CEMIP: variants seen among roughly 807,000 people sequenced by gnomAD.
CEMIP encodes cell migration inducing hyaluronidase 1.
Under a neutral mutation model 156.9 loss-of-function variants are expected in CEMIP, and 105 were observed. The observed-to-expected ratio is 0.67, with a 90% CI of 0.57 to 0.79. The LOEUF (loss-of-function observed/expected upper bound fraction) is 0.79, where lower values mean the gene tolerates loss of function less well. Among genes scored for constraint, CEMIP ranks in the 30% least tolerant of loss-of-function variants. The pLI is 0.00. For missense variants in CEMIP, 1,457 were observed against 1,769.4 expected, an observed-to-expected ratio of 0.82 and a Z score of 3.17; for synonymous variants, 676 against 668.4, an observed-to-expected ratio of 1.01 and a Z score of -0.17.
At position 80,880,852 on chromosome 15, in the gene CEMIP, A is replaced by G. The variant is rs748274137; in HGVS notation, c.381-48A>G. 2.0e-6 allele frequency: 3 copies of G among 1,493,516 alleles called. No individual in the cohort carries two copies. In the South Asian group the frequency reaches 3.4e-5, roughly 17 times the overall value. The allele number at this position is 1,493,516 out of a possible 1,614,324, so 92.5% of individuals were successfully genotyped here. On this transcript the variant is annotated intron_variant, in intron 5 of 29. Coordinates refer to ENST00000394685, the MANE Select transcript of CEMIP (RefSeq NM_001293298.2). ...TAGGTTCCCTCTGGGTTCAGTATCC[A>G]GTAAAGAGATGTGTCAGCCAACTCT... is the stretch of plus-strand genomic sequence containing the variant.
chr15:80,900,081 C>A (rs1403192041), intron 12 of CEMIP, among the ~76,000 whole-genome samples: 1 of 152,208 alleles, frequency 6.6e-6, no homozygotes, highest in Non-Finnish European at 1.5e-5. Context: ...GACCAGTCCC[C>A]ATCTGCACCC....
intron 1 of CEMIP, among the ~76,000 whole-genome samples, chr15:80,868,952 A>C (rs944011275): frequency 6.6e-6 from 1 of 152,224 alleles, no homozygotes; most frequent in Non-Finnish European, 1.5e-5. Context: ...TAGGGCTGCC[A>C]TAACAAAGTA....
chr15:80,893,557 C>T (rs933595868), intron 10 of CEMIP, among the ~76,000 whole-genome samples: 2 of 152,196 alleles, frequency 1.3e-5, no homozygotes, highest in African/African-American at 4.8e-5. Flanking sequence ...CAGGGGAAAA[C>T]TTCAGGAGGC....
intron 1 of CEMIP, among the ~76,000 whole-genome samples, chr15:80,860,866 T>A (rs1897967560): frequency 6.6e-6 from 1 of 151,996 alleles, no homozygotes; most frequent in East Asian, 1.9e-4. Context: ...CACACCCTTC[T>A]CTTTCTGTGT....
chr15:80,922,201 GA>G (rs1159099420), intron 17 of CEMIP, 64 bp downstream of exon 17: 22 of 1,602,558 alleles, frequency 1.4e-5, no homozygotes, highest in Non-Finnish European at 1.9e-5. Flanking sequence ...GCCTGCAGAT[GA>G]TTAGAGCCGG....
chr15:80,852,938 C>T (rs1228490262), intron 1 of CEMIP, among the ~76,000 whole-genome samples: 1 of 152,124 alleles, frequency 6.6e-6, no homozygotes, highest in Non-Finnish European at 1.5e-5. Flanking sequence ...GGCCCACACC[C>T]ACATGTACCA....
intron 21 of CEMIP, among the ~76,000 whole-genome samples, chr15:80,931,606 C>T (rs1003254400): frequency 6.6e-5 from 10 of 151,494 alleles, no homozygotes; most frequent in South Asian, 2.1e-4. Context: ...TCCATTCACC[C>T]GGCAGTCATT....
At chr15:80,944,577 G>A (rs1901466911) in intron 28 of CEMIP, among the ~76,000 whole-genome samples, 1 of 152,168 alleles carries the variant, frequency 6.6e-6, no homozygotes, top group South Asian at 2.1e-4. Flanking sequence ...CTGACTCCAT[G>A]AGGGGCACGA....
In CEMIP at chr15:80,921,052, T is replaced by C; in HGVS notation, c.2024T>C (p.Met675Thr). The C allele has an allele frequency of 1.2e-6, 2 of 1,614,176 alleles. No individual in the cohort carries two copies. Among genetic ancestry groups the C allele is most frequent in the Non-Finnish European group, 1.7e-6 (2 of 1,180,018 alleles). ...TGCAGTGCTGTGTCCACCTTCTGGA[T>C]GGCCAATCCCAACAACAACCTCATC... The part of the protein sequence containing the change: ...QDCNAVSTFW[M>T]ANPNNNLINC... Residue 675 changes from methionine (M) to threonine (T), a missense_variant, in exon 16 of 30, where the codon ATG becomes ACG. This residue lies in a region of CEMIP where 798 missense variants were observed against 980.1 expected (regional missense o/e 0.81). Transcript: ENST00000394685.
At chr15:80,941,103 A>G (rs1466275907) in intron 25 of CEMIP, among the ~76,000 whole-genome samples, 9 of 152,048 alleles carry the variant, frequency 5.9e-5, no homozygotes, top group Non-Finnish European at 2.9e-5. Context: ...TTTGGGGGCG[A>G]GGGCATTGTG....
intron 12 of CEMIP, among the ~76,000 whole-genome samples, chr15:80,901,133 T>C (rs1166760763): frequency 2.0e-5 from 3 of 152,136 alleles, no homozygotes; most frequent in Non-Finnish European, 4.4e-5. Context: ...ACCTCCCCAC[T>C]TTGCCCATAA....
At chr15:80,841,948 C>A (rs750628418) in intron 1 of CEMIP, 1 of 289,628 alleles carries the variant, frequency 3.5e-6, no homozygotes, top group Admixed American at 4.6e-5. Context: ...GGATTACATA[C>A]AAAGATGCAT....
chr15:80,852,708 C>T (rs1357098069), intron 1 of CEMIP, among the ~76,000 whole-genome samples: 1 of 152,118 alleles, frequency 6.6e-6, no homozygotes, highest in African/African-American at 2.4e-5. Flanking sequence ...CTCCCTTTTC[C>T]TCTTTTATGC....
chr15:80,907,834 G>A (rs951520805), intron 13 of CEMIP, among the ~76,000 whole-genome samples: 32 of 152,198 alleles, frequency 2.1e-4, no homozygotes, highest in Non-Finnish European at 4.4e-5. Context: ...TGGTTTCAAT[G>A]CCAATAGCAT....
chr15:80,920,354 G>A (rs1029175374), intron 15 of CEMIP, 55 bp downstream of exon 15: 2 of 1,498,300 alleles, frequency 1.3e-6, no homozygotes, highest in Admixed American at 1.7e-5. Flanking sequence ...ACATGTGTGT[G>A]CATGTGTTCA....
intron 23 of CEMIP, among the ~76,000 whole-genome samples, chr15:80,936,421 A>C (rs1446395669): frequency 6.6e-6 from 1 of 152,234 alleles, no homozygotes; most frequent in African/African-American, 2.4e-5. Flanking sequence ...TTCCACTGGA[A>C]GCTCAACAGA....
rs1043021815 is a variant in CEMIP, at chr15:80,950,415, G to C, written c.*1491G>C. 2 of 152,294 alleles carry C rather than the reference G, an allele frequency of 1.3e-5. No individual in the cohort carries two copies. Among genetic ancestry groups the C allele is most frequent in the African/African-American group, 2.4e-5 (1 of 41,466 alleles). 9.4% of individuals were successfully genotyped at this position (152,294 alleles called of 1,614,324 possible). ...CCCCTCGAAGGAAAGGAAATGACTA[G>C]AGTAGAATGACAGCTAGCAGATCTC... On this transcript the variant is annotated 3_prime_UTR_variant, in exon 30 of 30. Coordinates refer to ENST00000394685, the MANE Select transcript of CEMIP (RefSeq NM_001293298.2).
chr15:80,865,847 A>G (rs910502260), intron 1 of CEMIP, among the ~76,000 whole-genome samples: 4 of 152,088 alleles, frequency 2.6e-5, no homozygotes, highest in African/African-American at 9.7e-5. Flanking sequence ...TTTCATTAGG[A>G]CATATCTGGT....
At chr15:80,800,921 C>T (rs1167133036) in intron 1 of CEMIP, among the ~76,000 whole-genome samples, 3 of 152,304 alleles carry the variant, frequency 2.0e-5, no homozygotes, top group South Asian at 2.1e-4. Context: ...CAGGGCCTAC[C>T]GTAGCTGGGC....
Sources: allele counts gnomAD v4.1 joint callset (sites outside exome capture counted in the v4.1 genomes callset), GRCh38; gene constraint gnomAD v4.1.1; regional missense constraint gnomAD v4.1.1; transcripts MANE v1.5; gene names NCBI Gene and HGNC (gene_info 2026-07-23, HGNC 2026-07-21).